MAP3K7CL: variants seen among roughly 807,000 people sequenced by gnomAD.
The protein encoded by MAP3K7CL is MAP3K7 C-terminal-like protein.
Under a neutral mutation model 18.6 loss-of-function variants are expected in MAP3K7CL, and 16 were observed. The ratio of observed to expected loss-of-function variants is 0.86; its 90% CI spans 0.58 to 1.31. The LOEUF is 1.31. Among genes scored for constraint, MAP3K7CL ranks in the 50% most tolerant of loss-of-function variants. The probability of loss-of-function intolerance (pLI) is 0.00; values close to 1 mark genes in which losing one functional copy is unlikely to be tolerated. For synonymous variants in MAP3K7CL, 65 were observed against 66.8 expected, an observed-to-expected ratio of 0.97 and a Z score of 0.13; for missense variants, 163 against 174.4, an observed-to-expected ratio of 0.93 and a Z score of 0.37.
intron 4 of MAP3K7CL, among the ~76,000 whole-genome samples, chr21:29,101,716 C>T (rs1464995800): frequency 5.9e-5 from 9 of 152,176 alleles, no homozygotes; most frequent in Non-Finnish European, 1.0e-4. Flanking sequence ...CCACATTTAA[C>T]ATTTTTATCA....
At chr21:29,166,923 G>A (rs1471959817) in intron 4 of MAP3K7CL, among the ~76,000 whole-genome samples, 1 of 152,204 alleles carries the variant, frequency 6.6e-6, no homozygotes, top group Non-Finnish European at 1.5e-5. Context: ...TAGGTTCCTA[G>A]CAGTAGAATT....
At chr21:29,081,330 A>AC (rs1226268253), upstream of MAP3K7CL, among the ~76,000 whole-genome samples, 1 of 152,224 alleles carries the variant, frequency 6.6e-6, no homozygotes, top group African/African-American at 2.4e-5. Context: ...CAGGTGGATC[A>AC]CAAGGTCAGG....
At chr21:29,170,795 T>C (rs2087807764) in intron 4 of MAP3K7CL, among the ~76,000 whole-genome samples, 1 of 151,902 alleles carries the variant, frequency 6.6e-6, no homozygotes, top group Non-Finnish European at 1.5e-5. Context: ...CACACCACCA[T>C]GCCTCGCTAA....
chr21:29,104,725 C>T (rs923306600), intron 4 of MAP3K7CL, among the ~76,000 whole-genome samples: 10 of 152,210 alleles, frequency 6.6e-5, no homozygotes, highest in African/African-American at 2.4e-4. Flanking sequence ...AATTACAGCA[C>T]TCCAGGAAGC....
intron 1 of MAP3K7CL, chr21:29,091,483 T>C (rs1485977543): frequency 1.5e-6 from 1 of 663,848 alleles, no homozygotes; most frequent in East Asian, 2.7e-5. Flanking sequence ...TTTTTTCTTT[T>C]TTATTTTTTC....
intron 2 of MAP3K7CL, among the ~76,000 whole-genome samples, chr21:29,148,135 A>G (rs999002713): frequency 4.0e-5 from 6 of 151,564 alleles, no homozygotes; most frequent in Middle Eastern, 6.9e-3. Flanking sequence ...TGTATTTTAT[A>G]TGTATGTACT....
At chr21:29,173,307 G>A (rs2087887427) in intron 4 of MAP3K7CL, among the ~76,000 whole-genome samples, 1 of 152,154 alleles carries the variant, frequency 6.6e-6, no homozygotes, top group Non-Finnish European at 1.5e-5. Flanking sequence ...TTTTTTGTAA[G>A]TCATCTTTAT....
intron 2 of MAP3K7CL, among the ~76,000 whole-genome samples, chr21:29,143,157 C>T (rs1282080501): frequency 4.6e-5 from 7 of 151,894 alleles, no homozygotes; most frequent in East Asian, 1.9e-4. Context: ...ATGCAGGGTT[C>T]CTCATTCAAA....
At chr21:29,099,261 ATTTTTTTTTTT>A (rs968362985) in intron 4 of MAP3K7CL, among the ~76,000 whole-genome samples, 5 of 83,028 alleles carry the variant, frequency 6.0e-5, no homozygotes, top group Non-Finnish European at 4.4e-5. Flanking sequence ...CAGCTAATTG[ATTTTTTTTTTT>A]TTTTTTTTTT....
intron 4 of MAP3K7CL, among the ~76,000 whole-genome samples, chr21:29,168,648 A>G: frequency 6.6e-6 from 1 of 152,132 alleles, no homozygotes; most frequent in East Asian, 1.9e-4. Flanking sequence ...AAGTATTTCT[A>G]CACCTAATTG....
intron 4 of MAP3K7CL, among the ~76,000 whole-genome samples, chr21:29,165,773 T>C (rs1031812048): frequency 6.6e-6 from 1 of 152,182 alleles, no homozygotes; most frequent in Non-Finnish European, 1.5e-5. Context: ...GGTTTCACCA[T>C]GTTGGCCAGG....
At chr21:29,133,568 G>T (rs112699343) in intron 2 of MAP3K7CL, among the ~76,000 whole-genome samples, 154 bp downstream of exon 2, 1 of 152,102 alleles carries the variant, frequency 6.6e-6, no homozygotes, top group Admixed American at 6.6e-5. Context: ...GTTAGATGGC[G>T]GCTTCCAGAA....
At chr21:29,142,616 C>T (rs2087034069) in intron 2 of MAP3K7CL, among the ~76,000 whole-genome samples, 2 of 152,188 alleles carry the variant, frequency 1.3e-5, no homozygotes, top group African/African-American at 4.8e-5. Flanking sequence ...TATACACACA[C>T]AGCTCCCCTG....
intron 1 of MAP3K7CL, chr21:29,085,956 T>C (rs2085918534): frequency 6.2e-7 from 1 of 1,607,516 alleles, no homozygotes; most frequent in South Asian, 1.1e-5. Context: ...TGTAAAACTG[T>C]CGACTATAAT....
chr21:29,089,772 CA>C (rs1347962441), intron 1 of MAP3K7CL, among the ~76,000 whole-genome samples: 2 of 144,894 alleles, frequency 1.4e-5, no homozygotes, highest in Non-Finnish European at 3.0e-5. Flanking sequence ...CTAAGCTGTT[CA>C]AGAGTGAAAG....
chr21:29,151,214 A>G lies in MAP3K7CL; in HGVS notation c.132+1964A>G, dbSNP rs184246518. Among the ~76,000 whole-genome samples, 108 of 151,392 alleles carry G rather than the reference A, an allele frequency of 7.1e-4. 1 individual carries two copies. In the East Asian group the frequency reaches 0.021, roughly 29 times the overall value. ...CCATTGGCCCGGTGCCGTGGCTCAC[A>G]CCTGTAATCCCAGCACTTTGGGAGG... On this transcript the variant is annotated intron_variant, in intron 3 of 4. Transcript: ENST00000399928.
At chr21:29,144,723 G>A (rs1283741275) in intron 2 of MAP3K7CL, among the ~76,000 whole-genome samples, 2 of 152,198 alleles carry the variant, frequency 1.3e-5, no homozygotes, top group African/African-American at 4.8e-5. Context: ...TCTGTTAACT[G>A]ATTGCTAGCT....
intron 4 of MAP3K7CL, among the ~76,000 whole-genome samples, chr21:29,107,023 A>G (rs118045919): frequency 0.052 from 7,845 of 152,278 alleles, 280 homozygotes; most frequent in Non-Finnish European, 0.079. Flanking sequence ...GGGGTGTATT[A>G]AAGTCTGACT....
In MAP3K7CL at chr21:29,170,581, G is replaced by T. The variant is rs2087800583; in HGVS notation, c.249-4131G>T. ...TAATTTGAAGAGAAAAATAGAACAGGAATAGATGATCTGTTTGATGCATAG... is the reference window on the plus strand; with the variant it reads ...TAATTTGAAGAGAAAAATAGAACAGTAATAGATGATCTGTTTGATGCATAG... On this transcript the variant is annotated intron_variant, in intron 4 of 4. Coordinates refer to ENST00000399928, the MANE Select transcript of MAP3K7CL (RefSeq NM_001286620.2). Among the ~76,000 whole-genome samples, 3 of 151,966 alleles carry T rather than the reference G, an allele frequency of 2.0e-5. No homozygotes were observed. The South Asian group carries it at 6.2e-4, about 32-fold the overall frequency.
Sources: gnomAD v4.1 joint callset for allele counts (sites outside exome capture counted in the v4.1 genomes callset) on GRCh38, gnomAD v4.1.1 for gene constraint, MANE v1.5 for transcripts, NCBI Gene and HGNC (gene_info 2026-07-23, HGNC 2026-07-21) for gene names.